The following CA12 variants were observed in gnomAD, a reference collection of about 807,000 sequenced individuals.
CA12 encodes carbonate dehydratase XII.
In CA12, 36 loss-of-function variants were observed where a neutral mutation model predicts 46.8. The observed-to-expected ratio is 0.77, with a 90% CI of 0.59 to 1.02. The LOEUF (loss-of-function observed/expected upper bound fraction) is 1.02. CA12 is among the 50% of genes least tolerant of loss of function. The pLI is 0.00. For missense variants in CA12, 436 were observed against 451.4 expected, an observed-to-expected ratio of 0.97 and a Z score of 0.31; for synonymous variants, 202 against 187.0, an observed-to-expected ratio of 1.08 and a Z score of -0.65.
intron 2 of CA12, among the ~76,000 whole-genome samples, chr15:63,357,780 C>A (rs1169400970): frequency 1.3e-5 from 2 of 152,146 alleles, no homozygotes; most frequent in African/African-American, 4.8e-5. Context: ...CAGAACATTT[C>A]AATATTCCAA....
At position 63,340,884 on chromosome 15, in the gene CA12, AC is replaced by A; in HGVS notation, c.526-102del. 1.1e-6 allele frequency: 1 copy of A among 950,436 alleles called. No individual in the cohort carries two copies. Among genetic ancestry groups the A allele is most frequent in the Non-Finnish European group, 1.7e-6 (1 of 586,074 alleles). The allele number at this position is 950,436 out of a possible 1,614,324, so 58.9% of individuals were successfully genotyped here. A position where few individuals can be genotyped will look rare whatever the true frequency, so the allele number is the denominator to read the frequency against. ...AGGGCAAAGCTGTGGGTATGTTGCCACCACTGCCTGAAGGATCCACTTTACT... is the reference window on the plus strand; with the variant it reads ...AGGGCAAAGCTGTGGGTATGTTGCCACACTGCCTGAAGGATCCACTTTACT... On this transcript the variant is annotated intron_variant, in intron 5 of 10. Coordinates refer to ENST00000178638, the MANE Select transcript of CA12 (RefSeq NM_001218.5). The surrounding 1 kb of genome is among the most constrained non-coding windows in gnomAD (Gnocchi z 4.4).
At chr15:63,352,415 A>G (rs1294488192) in intron 2 of CA12, among the ~76,000 whole-genome samples, 1 of 152,208 alleles carries the variant, frequency 6.6e-6, no homozygotes, top group Non-Finnish European at 1.5e-5. Context: ...GGCAAAAGAG[A>G]CCAGAGAAGG....
chr15:63,341,782 AC>A lies in CA12; in HGVS notation c.525+219del, dbSNP rs1349024152. Among the ~76,000 whole-genome samples the A allele has an allele frequency of 1.3e-5, 2 of 152,162 alleles. No homozygotes were observed. The highest frequency in any genetic ancestry group is 2.9e-5 in the Non-Finnish European group (2 of 68,042). On this transcript the variant is annotated intron_variant, in intron 5 of 10. Coordinates refer to ENST00000178638, the MANE Select transcript of CA12 (RefSeq NM_001218.5). The surrounding 1 kb of genome is among the most constrained non-coding windows in gnomAD (Gnocchi z 5.2). ...ATGTTGGGGCCCGTTTTTCCAACGG[AC>A]CAAAGAACATTCCCCATTTCTGCTG...
At chr15:63,337,717 A>AGG (rs34141908) in intron 8 of CA12, among the ~76,000 whole-genome samples, 6,795 of 152,160 alleles carry the variant, frequency 0.045, 197 homozygotes, top group Middle Eastern at 0.065. Flanking sequence ...GGCCTCCCAA[A>AGG]GGAGGCAAGA....
intron 8 of CA12, among the ~76,000 whole-genome samples, chr15:63,332,108 T>A (rs1301696423): frequency 6.6e-6 from 1 of 152,156 alleles, no homozygotes; most frequent in African/African-American, 2.4e-5. Flanking sequence ...GGTTTGATAG[T>A]TTAAATACAC....
intron 4 of CA12, 23 bp from the exon 5 acceptor site, chr15:63,342,120 C>T (rs774218992): frequency 1.4e-6 from 2 of 1,425,148 alleles, no homozygotes; most frequent in African/African-American, 2.8e-5. Context: ...AGAAGCCACC[C>T]ATTAGGAGAT....
Position 63,345,382 on chromosome 15 carries a change from C to T in CA12, c.429+95G>A. The T allele has an allele frequency of 6.6e-7, 1 of 1,519,512 alleles. No homozygotes were observed. The highest frequency in any genetic ancestry group is 9.0e-7 in the Non-Finnish European group (1 of 1,116,792). 94.1% of individuals were successfully genotyped at this position (1,519,512 alleles called of 1,614,324 possible). On this transcript the variant is annotated intron_variant, in intron 4 of 10. Transcript: ENST00000178638. This position sits in a 1 kb window ranked among gnomAD's most constrained non-coding sequence, Gnocchi z 4.3. ...GCAGAGAGCCTGAAGGCAGCCTGTC[C>T]CATGCTCTGGTGTTATCTGCACAGC...
At chr15:63,362,299 T>C (rs1251890384) in intron 2 of CA12, among the ~76,000 whole-genome samples, 2 of 152,256 alleles carry the variant, frequency 1.3e-5, no homozygotes, top group African/African-American at 4.8e-5. Flanking sequence ...ACTGTGTTCC[T>C]TTTAATAGAC....
intron 2 of CA12, among the ~76,000 whole-genome samples, chr15:63,352,793 G>T (rs2039250256): frequency 6.6e-6 from 1 of 152,160 alleles, no homozygotes; most frequent in Non-Finnish European, 1.5e-5. Flanking sequence ...GTCCCTCAAA[G>T]TTTGTTTTGT....
intron 2 of CA12, among the ~76,000 whole-genome samples, chr15:63,365,178 T>C (rs1261234482): frequency 6.6e-6 from 1 of 152,276 alleles, no homozygotes; most frequent in Non-Finnish European, 1.5e-5. Context: ...TATTTATTTA[T>C]GTCAATAGGT....
chr15:63,355,763 C>T lies in CA12; in HGVS notation c.107-9054G>A, dbSNP rs1408769847. The stretch of plus-strand genomic sequence containing the variant: ...GGCCTGAGCCCCCCATCAGTGCTCA[C>T]CACATGTTATCCTCCTTCATCTTCC... On this transcript the variant is annotated intron_variant, in intron 2 of 10. Coordinates refer to ENST00000178638, the MANE Select transcript of CA12 (RefSeq NM_001218.5). This position sits in a 1 kb window ranked among gnomAD's most constrained non-coding sequence, Gnocchi z 4.1. Among the ~76,000 whole-genome samples the T allele has an allele frequency of 6.6e-6, 1 of 152,200 alleles. No homozygotes were observed. The highest frequency in any genetic ancestry group is 2.4e-5 in the African/African-American group (1 of 41,444).
intron 2 of CA12, 40 bp from the exon 3 acceptor site, chr15:63,346,749 A>C: frequency 6.2e-7 from 1 of 1,601,678 alleles, no homozygotes; most frequent in Non-Finnish European, 8.6e-7. Context: ...AGAGTTTCTC[A>C]CAAAGGGATT....
intron 2 of CA12, among the ~76,000 whole-genome samples, chr15:63,358,472 T>G (rs184828660): frequency 0.011 from 1,621 of 151,404 alleles, 32 homozygotes; most frequent in African/African-American, 0.038. Flanking sequence ...GCTCCTTTCC[T>G]GGCAGAGAGA....
chr15:63,354,461 TG>T (rs1567048880), intron 2 of CA12, among the ~76,000 whole-genome samples: 1 of 152,166 alleles, frequency 6.6e-6, no homozygotes, highest in Non-Finnish European at 1.5e-5. Context: ...GACTTGGGCT[TG>T]GTAAATCCCC....
rs1353637394 is a variant in CA12, at chr15:63,324,251, A to C, written c.*2034T>G. On this transcript the variant is annotated 3_prime_UTR_variant, in exon 11 of 11. Coordinates refer to ENST00000178638, the MANE Select transcript of CA12 (RefSeq NM_001218.5). Reference sequence around the variant, plus strand: ...GAGAGGAGAAATGCCACTGTCTTGCACCTCCCAGTAAGTCTCCCTTTTCAT... The same window carrying C: ...GAGAGGAGAAATGCCACTGTCTTGCCCCTCCCAGTAAGTCTCCCTTTTCAT... 1 of 152,194 alleles carries C rather than the reference A, an allele frequency of 6.6e-6. No homozygotes were observed. Among genetic ancestry groups the C allele is most frequent in the Non-Finnish European group, 1.5e-5 (1 of 68,086 alleles). 9.4% of individuals were successfully genotyped at this position (152,194 alleles called of 1,614,324 possible). A position where few individuals can be genotyped will look rare whatever the true frequency, so the allele number is the denominator to read the frequency against.
rs1595794173 is a variant in CA12 at position 63,374,617 on chromosome 15, CT to C, written c.106+1040del. The stretch of plus-strand genomic sequence containing the variant: ...CGTGCAGTGCTGGGGCTGAGGGGAC[CT>C]TGGCCTGTGGGTAGCTGGTTGGTCA... On this transcript the variant is annotated intron_variant, in intron 2 of 10. Coordinates refer to ENST00000178638, the MANE Select transcript of CA12 (RefSeq NM_001218.5). The surrounding 1 kb of genome is among the most constrained non-coding windows in gnomAD (Gnocchi z 4.4). Among the ~76,000 whole-genome samples the C allele has an allele frequency of 6.6e-5, 10 of 152,302 alleles. No homozygotes were observed. In the East Asian group the frequency reaches 1.9e-3, roughly 29 times the overall value.
rs2038797510 is a variant in CA12, at chr15:63,322,036, G to C, written c.*4249C>G. ...AGTCGGGTTCGTCGTCCGGGTCTGC[G>C]CAGGGCATGGATCTTGAGCGCTTGG... On this transcript the variant is annotated 3_prime_UTR_variant, in exon 11 of 11. Transcript: ENST00000178638. This position sits in a 1 kb window ranked among gnomAD's most constrained non-coding sequence, Gnocchi z 4.1. 1 of 152,202 alleles carries C rather than the reference G, an allele frequency of 6.6e-6. No homozygotes were observed. The highest frequency in any genetic ancestry group is 2.1e-4 in the South Asian group (1 of 4,830). 9.4% of individuals were successfully genotyped at this position (152,202 alleles called of 1,614,324 possible).
chr15:63,360,003 C>T (rs772925481), intron 2 of CA12, among the ~76,000 whole-genome samples: 1 of 152,224 alleles, frequency 6.6e-6, no homozygotes. Context: ...CTCACTTCTC[C>T]AGGCTTTGCT....
chr15:63,381,623 G>A lies in CA12; in HGVS notation c.85+13C>T, dbSNP rs1258928349. 6.2e-7 allele frequency: 1 copy of A among 1,607,414 alleles called. No individual in the cohort carries two copies. Among genetic ancestry groups the A allele is most frequent in the Admixed American group, 1.7e-5 (1 of 59,512 alleles). ...CTCAGGAGTGTTAGGAAAGAAGCAG[G>A]CGGAAACTTTACCGTTCACTGGGGC... On this transcript the variant is annotated intron_variant, in intron 1 of 10. Transcript: ENST00000178638.
Sources: gnomAD v4.1 joint callset for allele counts (sites outside exome capture counted in the v4.1 genomes callset) on GRCh38, gnomAD v4.1.1 for gene constraint, Gnocchi (gnomAD v3.1) non-coding constraint, MANE v1.5 for transcripts, NCBI Gene and HGNC (gene_info 2026-07-23, HGNC 2026-07-21) for gene names.